Variants in CLEC16A observed in about 807,000 individuals in gnomAD.
CLEC16A encodes protein CLEC16A.
CLEC16A carries 51 observed loss-of-function variants against 109.5 expected under a neutral mutation model. The ratio of observed to expected loss-of-function variants is 0.47; its 90% confidence interval spans 0.37 to 0.59. The LOEUF (loss-of-function observed/expected upper bound fraction) is 0.59, where lower values mean the gene tolerates loss of function less well. Ranked by LOEUF, CLEC16A falls within the 20% of genes least tolerant of loss-of-function variation. CLEC16A has a pLI of 0.00. For synonymous variants in CLEC16A, 673 were observed against 564.2 expected, an observed-to-expected ratio of 1.19 and a Z score of -2.73; for missense variants, 1,339 against 1,394.0, an observed-to-expected ratio of 0.96 and a Z score of 0.63.
chr16:11,159,752 C>T (rs1309535305), intron 22 of CLEC16A, among the ~76,000 whole-genome samples: 1 of 152,078 alleles, frequency 6.6e-6, no homozygotes, highest in Non-Finnish European at 1.5e-5. Context: ...TCCTAGGAAG[C>T]TCAGAGTTAA....
At position 11,020,220 on chromosome 16, in the gene CLEC16A, G is replaced by A. The variant is rs746938479; in HGVS notation, c.1331G>A (p.Ser444Asn). ...EEIEMVIMER[S>N]KLSELAASTS... ...ATCGAGATGGTGATCATGGAGCGTA[G>A]CAAGCTCTCAGAGCTGGCCGCCAGC... is the stretch of plus-strand genomic sequence containing the variant. The change falls in exon 12 of 24, where the codon AGC becomes AAC. Residue 444 changes from serine (S) to asparagine (N), a missense_variant. This residue lies in a region of CLEC16A where 1,061 missense variants were observed against 1,006.8 expected (regional missense o/e 1.05). Transcript: ENST00000409790. 9 of 1,613,328 alleles carry A rather than the reference G, an allele frequency of 5.6e-6. No homozygotes were observed. Among genetic ancestry groups the A allele is most frequent in the Non-Finnish European group, 7.6e-6 (9 of 1,179,480 alleles).
In CLEC16A at chr16:10,962,601, C is replaced by G; in HGVS notation, c.343+13C>G. ...GAGACCTCACTTTGTAAGGACATTC[C>G]TTGGTATTTGCCTCTGTGCTGCTGT... On this transcript the variant is annotated intron_variant, in intron 3 of 23. Transcript: ENST00000409790. The G allele has an allele frequency of 6.2e-7, 1 of 1,613,398 alleles. No individual in the cohort carries two copies. The highest frequency in any genetic ancestry group is 1.3e-5 in the African/African-American group (1 of 75,006).
At chr16:11,068,884 G>A (rs1044374360) in intron 19 of CLEC16A, among the ~76,000 whole-genome samples, 3 of 151,994 alleles carry the variant, frequency 2.0e-5, no homozygotes, top group Admixed American at 6.5e-5. Flanking sequence ...GCACAATCTC[G>A]GCTCGCTGCA....
intron 19 of CLEC16A, among the ~76,000 whole-genome samples, chr16:11,073,899 A>G (rs1392247949): frequency 6.6e-6 from 1 of 152,228 alleles, no homozygotes; most frequent in Non-Finnish European, 1.5e-5. Context: ...TAGAAATAGC[A>G]TTTCCAAATC....
At chr16:10,996,976 T>C (rs2044366223) in intron 10 of CLEC16A, among the ~76,000 whole-genome samples, 1 of 152,200 alleles carries the variant, frequency 6.6e-6, no homozygotes, top group Non-Finnish European at 1.5e-5. Flanking sequence ...GTTTGTTTGT[T>C]TTTGAGACAC....
chr16:11,161,499 T>G, intron 22 of CLEC16A, among the ~76,000 whole-genome samples: 1 of 152,204 alleles, frequency 6.6e-6, no homozygotes, highest in East Asian at 1.9e-4. Flanking sequence ...CCTAGGCTGC[T>G]GGAGGCAGAT....
At chr16:11,059,481 G>A (rs1158936179) in intron 18 of CLEC16A, among the ~76,000 whole-genome samples, 7 of 152,192 alleles carry the variant, frequency 4.6e-5, no homozygotes, top group Admixed American at 2.0e-4. Context: ...TGGTTAGGGC[G>A]CAAGGCAGCA....
chr16:10,944,788 A>C lies in CLEC16A; in HGVS notation c.71A>C (p.Asp24Ala). The change falls in exon 1 of 24, where the codon GAC (aspartate) becomes GCC (alanine). Residue 24 changes from aspartate (D) to alanine (A), a missense_variant. Transcript: ENST00000409790. ...ACTTCCCGCAACATCCACTCCTTGG[A>C]CCACCTCAAGTGAGTGTGGGGGGCG... ...GKTSRNIHSL[D>A]HLKYLYHVLT... 6.2e-7 allele frequency: 1 copy of C among 1,608,460 alleles called. No homozygotes were observed. The highest frequency in any genetic ancestry group is 2.2e-5 in the East Asian group (1 of 44,784).
intron 22 of CLEC16A, among the ~76,000 whole-genome samples, chr16:11,142,022 A>G (rs1251362610): frequency 6.6e-6 from 1 of 152,172 alleles, no homozygotes. Context: ...GATGTCTGAC[A>G]GAGCATTCTG....
chr16:11,011,260 C>T (rs1044114720), intron 11 of CLEC16A, among the ~76,000 whole-genome samples: 30 of 152,190 alleles, frequency 2.0e-4, no homozygotes, highest in Admixed American at 1.4e-3. Flanking sequence ...TGATTTTCCA[C>T]GTTCAACATT....
intron 23 of CLEC16A, among the ~76,000 whole-genome samples, chr16:11,169,509 A>G (rs2068415443): frequency 6.6e-6 from 1 of 152,052 alleles, no homozygotes; most frequent in African/African-American, 2.4e-5. Context: ...CTGGTCTTGA[A>G]CTACTGACCT....
At chr16:11,081,815 A>G (rs1174746004) in intron 19 of CLEC16A, among the ~76,000 whole-genome samples, 1 of 152,168 alleles carries the variant, frequency 6.6e-6, no homozygotes, top group African/African-American at 2.4e-5. Context: ...TTCTTGACTA[A>G]AGTGGTTGGT....
intron 22 of CLEC16A, among the ~76,000 whole-genome samples, chr16:11,129,078 C>T (rs2053022866): frequency 6.6e-6 from 1 of 152,158 alleles, no homozygotes; most frequent in Admixed American, 6.5e-5. Flanking sequence ...ACCCCAAGCT[C>T]ACTCTAGCCC....
intron 19 of CLEC16A, among the ~76,000 whole-genome samples, chr16:11,069,279 C>T (rs2048929794): frequency 6.6e-6 from 1 of 152,106 alleles, no homozygotes; most frequent in South Asian, 2.1e-4. Context: ...AGGCATGCAC[C>T]ACCACACCCG....
At chr16:11,047,259 A>C (rs1396803655) in intron 16 of CLEC16A, 33 bp from the exon 17 acceptor site, 1 of 1,578,338 alleles carries the variant, frequency 6.3e-7, no homozygotes, top group Non-Finnish European at 8.6e-7. Flanking sequence ...AAATATGAAT[A>C]ATCTCCTCTT....
At chr16:10,973,887 C>CTT (rs569414844) in intron 7 of CLEC16A, among the ~76,000 whole-genome samples, 537 of 46,578 alleles carry the variant, frequency 0.012, 172 homozygotes, top group Middle Eastern at 0.022. Flanking sequence ...GGGCTGCTTG[C>CTT]TTTTTTTTTT....
In CLEC16A at chr16:11,181,810, C is replaced by T. The variant is rs1307232037; in HGVS notation, c.*3120C>T. On this transcript the variant is annotated 3_prime_UTR_variant, in exon 24 of 24. Coordinates refer to ENST00000409790, the MANE Select transcript of CLEC16A (RefSeq NM_015226.3). Reference sequence around the variant, plus strand: ...GGCAGGTGAAGAAGCGCAGCCCTGCCAGACGCGCTAGATTCCTCTAAGGTC... The same window carrying T: ...GGCAGGTGAAGAAGCGCAGCCCTGCTAGACGCGCTAGATTCCTCTAAGGTC... 1.3e-5 allele frequency: 2 copies of T among 152,650 alleles called. No homozygotes were observed. Among genetic ancestry groups the T allele is most frequent in the Non-Finnish European group, 2.9e-5 (2 of 68,048 alleles). The allele number at this position is 152,650 out of a possible 1,614,324, so 9.5% of individuals were successfully genotyped here.
At chr16:11,021,669 G>A (rs568010883) in intron 12 of CLEC16A, among the ~76,000 whole-genome samples, 1 of 152,282 alleles carries the variant, frequency 6.6e-6, no homozygotes, top group East Asian at 1.9e-4. Flanking sequence ...ATGGTGGCAG[G>A]TGCCTGTAGT....
At chr16:10,993,029 T>A (rs1467687845) in intron 10 of CLEC16A, among the ~76,000 whole-genome samples, 1 of 151,818 alleles carries the variant, frequency 6.6e-6, no homozygotes, top group Non-Finnish European at 1.5e-5. Flanking sequence ...GTATATGGGA[T>A]CAGGAGAGAG....
Sources: gnomAD v4.1 joint callset for allele counts (sites outside exome capture counted in the v4.1 genomes callset) on GRCh38, gnomAD v4.1.1 for gene constraint, gnomAD v4.1.1 regional missense constraint, MANE v1.5 for transcripts, NCBI Gene and HGNC (gene_info 2026-07-23, HGNC 2026-07-21) for gene names.